Variants in KALRN observed in about 807,000 individuals in gnomAD.
KALRN encodes the protein kalirin RhoGEF kinase.
Under a neutral mutation model 353.7 loss-of-function variants are expected in KALRN, and 70 were observed. The observed-to-expected ratio is 0.20, with a 90% CI of 0.16 to 0.24. KALRN has a LOEUF of 0.24. KALRN is among the 10% of genes least tolerant of loss of function. KALRN has a pLI of 1.00. For synonymous variants in KALRN, 1,391 were observed against 1,434.8 expected (o/e 0.97, Z 0.69); for missense variants, 2,791 against 3,756.7 (o/e 0.74, Z 6.72).
intron 6 of KALRN, 102 bp from the exon 7 acceptor site, chr3:124,325,878 T>G (rs1485186323): frequency 2.2e-6 from 2 of 918,798 alleles, no homozygotes; most frequent in Non-Finnish European, 3.4e-6. Context: ...TCTCTCAGAC[T>G]TTTGTTTTGG....
chr3:124,416,832 T>C (rs2092529960), intron 14 of KALRN, among the ~76,000 whole-genome samples: 1 of 152,226 alleles, frequency 6.6e-6, no homozygotes, highest in African/African-American at 2.4e-5. Context: ...AAAGGTAAAA[T>C]AAACTGTAGT....
At chr3:124,391,613 C>T (rs1471300732) in intron 11 of KALRN, among the ~76,000 whole-genome samples, 1 of 152,170 alleles carries the variant, frequency 6.6e-6, no homozygotes, top group East Asian at 1.9e-4. Flanking sequence ...ACCTTTGGGA[C>T]ATTGAGAGAG....
intron 1 of KALRN, among the ~76,000 whole-genome samples, chr3:124,206,090 C>T (rs1464231160): frequency 6.6e-6 from 1 of 152,054 alleles, no homozygotes; most frequent in Non-Finnish European, 1.5e-5. Flanking sequence ...GAGAGTGTTC[C>T]CTGCTTATTG....
At position 124,553,550 on chromosome 3, in the gene KALRN, C is replaced by T. The variant is rs147904477; in HGVS notation, c.4936-9293C>T. 7.9e-5 allele frequency among the ~76,000 whole-genome samples: 12 copies of T among 152,314 alleles called. No homozygotes were observed. In the East Asian group the frequency reaches 2.3e-3, roughly 29 times the overall value. On this transcript the variant is annotated intron_variant, in intron 33 of 59. Coordinates refer to ENST00000682506, the MANE Select transcript of KALRN (RefSeq NM_001388419.1). ...AATGCCTGGGGCTTTCAGAGAAGCC[C>T]GTAACTTCTTCTCTCTCTCTAACCA...
chr3:124,311,063 T>A (rs1388793521), intron 6 of KALRN, among the ~76,000 whole-genome samples: 3 of 135,274 alleles, frequency 2.2e-5, no homozygotes, highest in Admixed American at 8.1e-5. Flanking sequence ...AGATACTACT[T>A]CTTTTTTTTT....
intron 1 of KALRN, among the ~76,000 whole-genome samples, chr3:124,125,434 G>T (rs1177953895): frequency 1.3e-5 from 2 of 152,208 alleles, no homozygotes; most frequent in African/African-American, 2.4e-5. Flanking sequence ...TGAAGGGAAG[G>T]AGGAAGCCCA....
rs377636182 is a variant in KALRN at position 124,264,515 on chromosome 3, G to A, written c.281G>A (p.Arg94His). The A allele has an allele frequency of 6.2e-7, 1 of 1,613,802 alleles. No individual in the cohort carries two copies. The highest frequency in any genetic ancestry group is 1.3e-5 in the African/African-American group (1 of 74,890). The change falls in exon 4 of 60, where the codon CGT (arginine) becomes CAT (histidine). Residue 94 changes from arginine (R) to histidine (H), a missense_variant. Physicochemically the swap from Arg to His is conservative, Grantham distance 29. Around this residue, in one of 11 missense-constraint regions of KALRN, gnomAD observed 110 missense variants for 204.1 expected, o/e 0.54. Coordinates refer to ENST00000682506, the MANE Select transcript of KALRN (RefSeq NM_001388419.1). ...CCCCACAGTGAGGACGTGTGCAAAC[G>A]TGGCTTCACTGTCATCATCGACATG... ...ASVPSEDVCK[R>H]GFTVIIDMRG...
At chr3:124,613,521 T>C (rs2078236364) in intron 34 of KALRN, among the ~76,000 whole-genome samples, 10 of 152,046 alleles carry the variant, frequency 6.6e-5, no homozygotes, top group Admixed American at 6.6e-4. Flanking sequence ...CTAAAGGGAG[T>C]TTCTGGTCCC....
intron 3 of KALRN, among the ~76,000 whole-genome samples, chr3:124,259,726 G>A (rs773626951): frequency 3.9e-5 from 6 of 152,154 alleles, no homozygotes; most frequent in South Asian, 2.1e-4. Context: ...CCTTACTGAG[G>A]TTACTTTCCA....
intron 1 of KALRN, among the ~76,000 whole-genome samples, chr3:124,069,564 T>G (rs1202833772): frequency 6.6e-6 from 1 of 152,134 alleles, no homozygotes; most frequent in African/African-American, 2.4e-5. Flanking sequence ...GATTTTTAGG[T>G]GTATAGCACA....
intron 5 of KALRN, among the ~76,000 whole-genome samples, chr3:124,274,276 G>A (rs568047832): frequency 6.6e-6 from 1 of 152,362 alleles, no homozygotes; most frequent in African/African-American, 2.4e-5. Context: ...ACCTCGTGAT[G>A]TCAATGTGCT....
chr3:124,552,983 C>G (rs62267573), intron 33 of KALRN, among the ~76,000 whole-genome samples: 7,519 of 152,244 alleles, frequency 0.049, 231 homozygotes, highest in Middle Eastern at 0.088. Context: ...CCAGGCTGGT[C>G]TCGAACTCCT....
chr3:124,230,781 A>G (rs1184064861), intron 2 of KALRN, among the ~76,000 whole-genome samples: 1 of 151,762 alleles, frequency 6.6e-6, no homozygotes, highest in Non-Finnish European at 1.5e-5. Flanking sequence ...ACACTGAATA[A>G]ACTGGGAAGA....
At position 124,033,675 on chromosome 3, in the gene KALRN, C is replaced by T. The variant is rs2039100946; in HGVS notation, c.-66C>T. On this transcript the variant is annotated 5_prime_UTR_variant, in exon 1 of 60. Coordinates refer to ENST00000682506, the MANE Select transcript of KALRN (RefSeq NM_001388419.1). The surrounding 1 kb of genome is among the most constrained non-coding windows in gnomAD (Gnocchi z 6.2). ...CGCCCCGCGCCCTCCGCCCACCGGG[C>T]GCCGAGCAGCCCTCGGCCCCAGGCT... Among the ~76,000 whole-genome samples the T allele has an allele frequency of 6.6e-6, 1 of 151,826 alleles. No homozygotes were observed. Among genetic ancestry groups the T allele is most frequent in the Admixed American group, 6.5e-5 (1 of 15,270 alleles).
intron 38 of KALRN, among the ~76,000 whole-genome samples, chr3:124,655,391 G>A (rs948331598): frequency 2.0e-5 from 3 of 152,186 alleles, no homozygotes; most frequent in Admixed American, 6.5e-5. Flanking sequence ...ATGTCACCTG[G>A]GGAAGTCCTT....
chr3:124,404,992 T>C (rs2091349726), intron 13 of KALRN, among the ~76,000 whole-genome samples: 1 of 152,194 alleles, frequency 6.6e-6, no homozygotes, highest in Non-Finnish European at 1.5e-5. Context: ...TAAGATCTAT[T>C]TGAGGTCATC....
In KALRN at chr3:124,305,088, G is replaced by A. The variant is rs563576950; in HGVS notation, c.1092+6175G>A. Among the ~76,000 whole-genome samples the A allele has an allele frequency of 2.6e-5, 4 of 152,302 alleles. 1 individual carries two copies. The South Asian group carries it at 8.3e-4, about 32-fold the overall frequency. On this transcript the variant is annotated intron_variant, in intron 6 of 59. Coordinates refer to ENST00000682506, the MANE Select transcript of KALRN (RefSeq NM_001388419.1). ...GCTCCTAAAGTGGGGGTGTCATTCA[G>A]GAAAGCACACCATTGTCCCCAACCC...
chr3:124,239,393 G>C (rs1232530797), intron 3 of KALRN, among the ~76,000 whole-genome samples: 5 of 152,140 alleles, frequency 3.3e-5, no homozygotes, highest in Non-Finnish European at 7.3e-5. Flanking sequence ...CTGTTAGCCT[G>C]CTTTGTCACG....
intron 1 of KALRN, among the ~76,000 whole-genome samples, chr3:124,196,611 C>T (rs1468056936): frequency 6.6e-6 from 1 of 152,134 alleles, no homozygotes; most frequent in East Asian, 1.9e-4. Flanking sequence ...TCTAAATCTT[C>T]ATTTTGTTTT....
Sources: allele counts gnomAD v4.1 joint callset (sites outside exome capture counted in the v4.1 genomes callset), GRCh38; gene constraint gnomAD v4.1.1; regional missense constraint gnomAD v4.1.1; non-coding constraint Gnocchi (gnomAD v3.1); transcripts MANE v1.5; gene names NCBI Gene and HGNC (gene_info 2026-07-23, HGNC 2026-07-21).